Variants in HYDIN observed in about 807,000 individuals in gnomAD.
The protein encoded by HYDIN is HYDIN axonemal central pair apparatus protein.
A neutral mutation model predicts 403.9 loss-of-function variants in HYDIN; 132 were observed. That is an observed-to-expected ratio of 0.33 (90% CI 0.28 to 0.38). The LOEUF (loss-of-function observed/expected upper bound fraction) is 0.38, where lower values mean the gene tolerates loss of function less well. HYDIN is among the 10% of genes least tolerant of loss of function. HYDIN has a pLI of 1.00. For missense variants in HYDIN, 2,827 were observed against 5,009.5 expected, an observed-to-expected ratio of 0.56 and a Z score of 13.15; for synonymous variants, 1,202 against 1,891.7, an observed-to-expected ratio of 0.64 and a Z score of 9.46.
chr16:71,190,798 T>C (rs902556700), intron 1 of HYDIN, among the ~76,000 whole-genome samples: 1 of 152,168 alleles, frequency 6.6e-6, no homozygotes, highest in African/African-American at 2.4e-5. Context: ...GCACCACTTA[T>C]GTAGTGTTAT....
At chr16:71,029,171 T>G (rs2107498) in intron 19 of HYDIN, among the ~76,000 whole-genome samples, 1 of 152,086 alleles carries the variant, frequency 6.6e-6, no homozygotes, top group Non-Finnish European at 1.5e-5. Context: ...TTAGGCTTTT[T>G]GGGCCACACG....
At chr16:71,208,316 G>C (rs1598033787) in intron 1 of HYDIN, among the ~76,000 whole-genome samples, 1 of 152,294 alleles carries the variant, frequency 6.6e-6, no homozygotes, top group South Asian at 2.1e-4. Context: ...GCTGCCAAAT[G>C]AGTCTTGGGT....
At chr16:70,933,661 G>A (rs2077417284) in intron 45 of HYDIN, 1 of 154,732 alleles carries the variant, frequency 6.5e-6, no homozygotes, top group South Asian at 2.0e-4. Flanking sequence ...GGAGGTAGAT[G>A]GTGATGGGAT....
intron 53 of HYDIN, among the ~76,000 whole-genome samples, chr16:70,900,476 CAAAA>C (rs71857692): frequency 1.6e-5 from 1 of 63,482 alleles, no homozygotes. Flanking sequence ...GACTCCATCT[CAAAA>C]AAAAAAAAAA....
chr16:70,866,009 G>A (rs1277168761), intron 67 of HYDIN, among the ~76,000 whole-genome samples, 160 bp downstream of exon 67: 9 of 151,968 alleles, frequency 5.9e-5, no homozygotes, highest in Non-Finnish European at 1.0e-4. Context: ...CTGTGGGCCT[G>A]AATGTTTCAT....
chr16:70,818,220 C>T (rs2035971641), intron 84 of HYDIN, 122 bp downstream of exon 84: 8 of 609,796 alleles, frequency 1.3e-5, no homozygotes, highest in Non-Finnish European at 2.3e-5. Context: ...CGTCCTCTGC[C>T]TTCCTGACCA....
chr16:71,180,983 G>A (rs2086878271), intron 3 of HYDIN, among the ~76,000 whole-genome samples: 1 of 151,938 alleles, frequency 6.6e-6, no homozygotes, highest in Non-Finnish European at 1.5e-5. Flanking sequence ...ATCCTAAAAT[G>A]TAAAACACAT....
chr16:70,949,081 A>G (rs78163638), intron 41 of HYDIN, among the ~76,000 whole-genome samples: 22 of 152,050 alleles, frequency 1.4e-4, no homozygotes, highest in South Asian at 4.2e-4. Flanking sequence ...ATGATAGACT[A>G]GATTAAGAAA....
At chr16:70,924,799 C>T (rs889679972) in intron 45 of HYDIN, among the ~76,000 whole-genome samples, 4 of 82,002 alleles carry the variant, frequency 4.9e-5, no homozygotes, top group Non-Finnish European at 9.7e-5. Flanking sequence ...TGTGGTCTGT[C>T]AGGGGTTGGG....
intron 45 of HYDIN, among the ~76,000 whole-genome samples, chr16:70,927,629 A>G (rs2077193892): frequency 6.6e-6 from 1 of 152,246 alleles, no homozygotes; most frequent in African/African-American, 2.4e-5. Context: ...TCTTCAATAA[A>G]GCTGTTTTCT....
intron 84 of HYDIN, among the ~76,000 whole-genome samples, chr16:70,811,718 G>C (rs1356557553): frequency 6.6e-6 from 1 of 151,974 alleles, no homozygotes; most frequent in Admixed American, 6.5e-5. Flanking sequence ...TTAGCTGGGC[G>C]TGGTGGCACA....
At chr16:71,032,307 G>GTT (rs11406376) in intron 18 of HYDIN, among the ~76,000 whole-genome samples, 2,061 of 126,316 alleles carry the variant, frequency 0.016, 43 homozygotes, top group African/African-American at 0.054. Flanking sequence ...TTTCCTTTTT[G>GTT]TTTTTTTTTT....
chr16:71,089,236 G>A (rs2083029620), intron 11 of HYDIN, among the ~76,000 whole-genome samples: 1 of 152,078 alleles, frequency 6.6e-6, no homozygotes, highest in South Asian at 2.1e-4. Flanking sequence ...TCATGCCTGA[G>A]CTCCTTCATG....
intron 1 of HYDIN, among the ~76,000 whole-genome samples, chr16:71,207,656 G>T (rs1237256623): frequency 6.6e-6 from 1 of 152,146 alleles, no homozygotes; most frequent in Non-Finnish European, 1.5e-5. Flanking sequence ...AGACCCAATG[G>T]TATGCTGTCT....
At chr16:70,891,453 C>T (rs1329507539) in intron 57 of HYDIN, among the ~76,000 whole-genome samples, 193 bp downstream of exon 57, 5 of 152,236 alleles carry the variant, frequency 3.3e-5, no homozygotes, top group African/African-American at 4.8e-5. Flanking sequence ...CCTCCCAAAG[C>T]GCTGCGATTA....
At chr16:71,193,543 C>T (rs1011686315) in intron 1 of HYDIN, among the ~76,000 whole-genome samples, 20 of 152,020 alleles carry the variant, frequency 1.3e-4, no homozygotes, top group Non-Finnish European at 2.5e-4. Flanking sequence ...AAAAAAGAAA[C>T]GTTTTAGAGT....
chr16:70,931,784 G>T (rs1234020363), intron 45 of HYDIN, among the ~76,000 whole-genome samples: 3 of 152,086 alleles, frequency 2.0e-5, no homozygotes, highest in Non-Finnish European at 4.4e-5. Context: ...GGAGGCCAAG[G>T]TGGATGGATC....
chr16:70,808,179 T>C (rs2035221760), intron 85 of HYDIN, 117 bp from the exon 86 acceptor site: 11 of 1,188,018 alleles, frequency 9.3e-6, no homozygotes, highest in Non-Finnish European at 1.3e-5. Flanking sequence ...TGTGTGAGAC[T>C]GGGAATGTTA....
At chr16:70,941,371 T>C (rs1241988798) in intron 43 of HYDIN, 2 of 283,654 alleles carry the variant, frequency 7.1e-6, no homozygotes, top group Admixed American at 5.2e-5. Flanking sequence ...AGGAAATCAG[T>C]TGCCTGAGTC....
Sources: allele counts gnomAD v4.1 joint callset (sites outside exome capture counted in the v4.1 genomes callset), GRCh38; gene constraint gnomAD v4.1.1; transcripts MANE v1.5; gene names NCBI Gene and HGNC (gene_info 2026-07-23, HGNC 2026-07-21).